The following COX7B2 variants were observed in gnomAD, a reference collection of about 807,000 sequenced individuals.
COX7B2 encodes cytochrome c oxidase subunit 7B2.
For missense variants in COX7B2, 109 were observed against 95.9 expected (o/e 1.14, Z -0.57); for synonymous variants, 37 against 32.1 (o/e 1.15, Z -0.51).
chr4:46,793,475 C>T (rs947725098), intron 2 of COX7B2, among the ~76,000 whole-genome samples: 3 of 152,054 alleles, frequency 2.0e-5, no homozygotes, highest in African/African-American at 4.8e-5. Flanking sequence ...TCCAAGATGG[C>T]GATGCTCCTG....
rs927727429 is a variant in COX7B2, at chr4:46,781,871, C to T, written c.-49-46630G>A. ...GGGGTCCCTCAGCATTACCTGCCCACGCGGGCCTCAGCCGCCTCCCCGTGT... is the reference window on the plus strand; with the variant it reads ...GGGGTCCCTCAGCATTACCTGCCCATGCGGGCCTCAGCCGCCTCCCCGTGT... On this transcript the variant is annotated intron_variant, in intron 2 of 2. Transcript: ENST00000355591. Among the ~76,000 whole-genome samples the T allele has an allele frequency of 4.6e-5, 7 of 152,184 alleles. No individual in the cohort carries two copies. The South Asian group carries it at 8.3e-4, about 18-fold the overall frequency.
intron 2 of COX7B2, among the ~76,000 whole-genome samples, chr4:46,811,625 A>G (rs566419102): frequency 2.6e-5 from 4 of 152,020 alleles, no homozygotes; most frequent in Non-Finnish European, 5.9e-5. Flanking sequence ...TTTTTAGGCA[A>G]TTTGTAAATT....
intron 2 of COX7B2, among the ~76,000 whole-genome samples, chr4:46,837,612 G>A (rs1214363177): frequency 6.6e-6 from 1 of 151,982 alleles, no homozygotes; most frequent in Non-Finnish European, 1.5e-5. Flanking sequence ...CAACAACACT[G>A]TGTATGTAAC....
At chr4:46,778,466 A>G (rs1433209944) in intron 2 of COX7B2, among the ~76,000 whole-genome samples, 1 of 152,118 alleles carries the variant, frequency 6.6e-6, no homozygotes, top group Non-Finnish European at 1.5e-5. Context: ...GCAGGGTTTC[A>G]GTTTCATTAT....
intron 1 of COX7B2, among the ~76,000 whole-genome samples, chr4:46,890,296 G>A (rs1310159144): frequency 2.0e-5 from 3 of 151,826 alleles, no homozygotes; most frequent in Non-Finnish European, 3.0e-5. Context: ...AACTAGCTGC[G>A]AACTATAACA....
At chr4:46,816,653 T>C (rs1034614668) in intron 2 of COX7B2, among the ~76,000 whole-genome samples, 3 of 152,244 alleles carry the variant, frequency 2.0e-5, no homozygotes, top group Non-Finnish European at 4.4e-5. Flanking sequence ...GTCATTTTTT[T>C]TGCATTAGGA....
intron 2 of COX7B2, among the ~76,000 whole-genome samples, chr4:46,758,287 G>A (rs375073982): frequency 6.6e-6 from 1 of 152,040 alleles, no homozygotes; most frequent in Non-Finnish European, 1.5e-5. Context: ...TAAACTGAGA[G>A]GTATAGAGCA....
chr4:46,734,896 C>T lies in COX7B2; in HGVS notation c.*51G>A, dbSNP rs1444684952. 2 of 1,603,442 alleles carry T rather than the reference C, an allele frequency of 1.2e-6. No homozygotes were observed. Among genetic ancestry groups the T allele is most frequent in the South Asian group, 1.1e-5 (1 of 90,580 alleles). ...ATTTTAATAAGCAGTAGAGTGCTTA[C>T]ATGACAAGTTGGTTTTTTAAACAAT... On this transcript the variant is annotated 3_prime_UTR_variant, in exon 3 of 3. Transcript: ENST00000355591.
At chr4:46,908,738 C>CAAAAAAAAAAAAA (rs34388680) in intron 1 of COX7B2, among the ~76,000 whole-genome samples, 3 of 121,088 alleles carry the variant, frequency 2.5e-5, no homozygotes, top group Non-Finnish European at 5.1e-5. Flanking sequence ...AGGAAAGTGG[C>CAAAAAAAAAAAAA]AAAAAAAAAA....
At chr4:46,756,774 G>T (rs1056106671) in intron 2 of COX7B2, among the ~76,000 whole-genome samples, 1 of 151,948 alleles carries the variant, frequency 6.6e-6, no homozygotes, top group Non-Finnish European at 1.5e-5. Flanking sequence ...GAATGGGAAA[G>T]TCTAAAAATA....
chr4:46,744,165 T>TA, intron 2 of COX7B2, among the ~76,000 whole-genome samples: 1 of 152,190 alleles, frequency 6.6e-6, no homozygotes, highest in South Asian at 2.1e-4. Context: ...GCTTGAAAGT[T>TA]ACATTTGTTT....
chr4:46,850,996 A>G (rs893610701), intron 1 of COX7B2, among the ~76,000 whole-genome samples: 3 of 152,080 alleles, frequency 2.0e-5, no homozygotes, highest in Non-Finnish European at 4.4e-5. Flanking sequence ...AAGAAATACC[A>G]AGAACATGAA....
At chr4:46,839,826 C>G (rs553071433) in intron 2 of COX7B2, among the ~76,000 whole-genome samples, 1 of 152,066 alleles carries the variant, frequency 6.6e-6, no homozygotes, top group East Asian at 1.9e-4. Flanking sequence ...ATCTTAGTGT[C>G]TAAGGTAGTA....
intron 2 of COX7B2, among the ~76,000 whole-genome samples, chr4:46,827,467 T>C (rs958473708): frequency 2.6e-5 from 4 of 151,996 alleles, no homozygotes; most frequent in African/African-American, 9.7e-5. Flanking sequence ...ATGTCCAAAG[T>C]AGAGAAGGAA....
Position 46,814,675 on chromosome 4 carries a change from TTTAA to T in COX7B2, c.-50+30281_-50+30284del, listed in dbSNP as rs556330939. Among the ~76,000 whole-genome samples the T allele has an allele frequency of 2.1e-3, 321 of 152,334 alleles. 1 individual carries two copies. The highest frequency in any genetic ancestry group is 3.5e-3 in the Non-Finnish European group (239 of 68,020). Reference sequence around the variant, plus strand: ...GATAAGCTCCTTGGCAATGAATGATTTTAATTAATTATACTGCAGGATTGATCAC... The same window carrying T: ...GATAAGCTCCTTGGCAATGAATGATTTTAATTATACTGCAGGATTGATCAC... On this transcript the variant is annotated intron_variant, in intron 2 of 2. Transcript: ENST00000355591.
intron 1 of COX7B2, among the ~76,000 whole-genome samples, chr4:46,902,028 C>T (rs1407096647): frequency 6.6e-6 from 1 of 152,216 alleles, no homozygotes; most frequent in Non-Finnish European, 1.5e-5. Context: ...CAAATCTCTT[C>T]TTATTCCTAT....
intron 1 of COX7B2, among the ~76,000 whole-genome samples, chr4:46,890,237 A>G (rs148770277): frequency 6.9e-4 from 105 of 152,298 alleles, no homozygotes; most frequent in Non-Finnish European, 1.2e-3. Flanking sequence ...AATCACAAGG[A>G]TTTGGCTTCC....
intron 2 of COX7B2, among the ~76,000 whole-genome samples, chr4:46,798,966 A>G (rs1718508714): frequency 1.3e-5 from 2 of 152,152 alleles, no homozygotes; most frequent in Non-Finnish European, 2.9e-5. Flanking sequence ...GAGACCCCCA[A>G]TTAAATGTCT....
rs185912535 is a variant in COX7B2 at position 46,827,974 on chromosome 4, T to C, written c.-50+16986A>G. ...CTGCAAAAGGTCACAAGAAAACTTT[T>C]GGAGGGGATGGAAATTTTCTATATG... On this transcript the variant is annotated intron_variant, in intron 2 of 2. Transcript: ENST00000355591. Among the ~76,000 whole-genome samples, 227 of 152,232 alleles carry C rather than the reference T, an allele frequency of 1.5e-3. 3 individuals are homozygous for C. Among genetic ancestry groups the C allele is most frequent in the African/African-American group, 5.0e-3 (209 of 41,562 alleles).
Sources: gnomAD v4.1 joint callset for allele counts (sites outside exome capture counted in the v4.1 genomes callset) on GRCh38, gnomAD v4.1.1 for gene constraint, MANE v1.5 for transcripts, NCBI Gene and HGNC (gene_info 2026-07-23, HGNC 2026-07-21) for gene names.